Variants in FAM210A observed in about 807,000 individuals in gnomAD.
FAM210A encodes family with sequence similarity 210 member A.
Under a neutral mutation model 25.3 loss-of-function variants are expected in FAM210A, and 13 were observed. The ratio of observed to expected loss-of-function variants is 0.51; its 90% CI spans 0.33 to 0.82. FAM210A has a LOEUF of 0.82. Ranked by LOEUF, FAM210A falls within the 40% of genes least tolerant of loss-of-function variation. The probability of loss-of-function intolerance (pLI) is 0.02; values close to 1 mark genes in which losing one functional copy is unlikely to be tolerated. For synonymous variants in FAM210A, 125 were observed against 118.7 expected (o/e 1.05, Z -0.35); for missense variants, 319 against 323.2 (o/e 0.99, Z 0.10).
intron 1 of FAM210A, chr18:13,715,450 T>C (rs1014145688): frequency 2.0e-5 from 3 of 152,210 alleles, no homozygotes; most frequent in African/African-American, 4.8e-5. Flanking sequence ...CTCAGAATAG[T>C]GGAGACAGGA....
intron 1 of FAM210A, among the ~76,000 whole-genome samples, chr18:13,706,464 G>A (rs1448302233): frequency 6.6e-6 from 1 of 152,058 alleles, no homozygotes; most frequent in Non-Finnish European, 1.5e-5. Flanking sequence ...AAAACACGAA[G>A]CCCCAATGTA....
chr18:13,692,672 AGAAATAAAGATGTTCTTT>A (rs2043656996), intron 1 of FAM210A, among the ~76,000 whole-genome samples: 1 of 152,254 alleles, frequency 6.6e-6, no homozygotes, highest in African/African-American at 2.4e-5. Context: ...AAATGAAGGC[AGAAATAAAGATGTTCTTT>A]GAAACCAATG....
At chr18:13,694,897 C>A (rs1363915103) in intron 1 of FAM210A, among the ~76,000 whole-genome samples, 2 of 152,176 alleles carry the variant, frequency 1.3e-5, no homozygotes, top group Non-Finnish European at 1.5e-5. Context: ...AGCTTCTGCA[C>A]AGCAAAAGAA....
At chr18:13,668,045 A>G (rs1284077176) in intron 3 of FAM210A, among the ~76,000 whole-genome samples, 1 of 152,236 alleles carries the variant, frequency 6.6e-6, no homozygotes, top group East Asian at 1.9e-4. Flanking sequence ...CCTGGGAAAC[A>G]GCAAGATCCT....
chr18:13,724,788 T>G (rs986068232), intron 1 of FAM210A, among the ~76,000 whole-genome samples: 1 of 152,250 alleles, frequency 6.6e-6, no homozygotes, highest in South Asian at 2.1e-4. Context: ...TTGTTTAGTT[T>G]TTTTTGAGAC....
At chr18:13,712,751 T>C (rs1787889) in intron 1 of FAM210A, among the ~76,000 whole-genome samples, 125,084 of 151,970 alleles carry the variant, frequency 0.82, 51,985 homozygotes, top group East Asian at 0.95. Flanking sequence ...TTCCACTGTT[T>C]ATGAGCCACC....
intron 1 of FAM210A, among the ~76,000 whole-genome samples, chr18:13,723,944 C>G (rs1224162806): frequency 3.3e-5 from 5 of 152,220 alleles, no homozygotes; most frequent in African/African-American, 1.2e-4. Flanking sequence ...TGAACCACCT[C>G]TCTTCACAGA....
At position 13,681,587 on chromosome 18, in the gene FAM210A, A is replaced by T; in HGVS notation, c.473+18T>A. Reference sequence around the variant, plus strand: ...TCTGGTAAGACAGGGAAAGACATTCAACTAAGCAAAAACTTACTTCAAGGC... The same window carrying T: ...TCTGGTAAGACAGGGAAAGACATTCTACTAAGCAAAAACTTACTTCAAGGC... On this transcript the variant is annotated intron_variant, in intron 2 of 3. Coordinates refer to ENST00000651643, the MANE Select transcript of FAM210A (RefSeq NM_152352.4). The T allele has an allele frequency of 6.4e-7, 1 of 1,557,960 alleles. No homozygotes were observed. Among genetic ancestry groups the T allele is most frequent in the South Asian group, 1.2e-5 (1 of 81,606 alleles).
chr18:13,692,474 C>T, intron 1 of FAM210A, among the ~76,000 whole-genome samples: 1 of 151,872 alleles, frequency 6.6e-6, no homozygotes, highest in East Asian at 1.9e-4. Flanking sequence ...CCACATCACA[C>T]TTATTCCAAA....
chr18:13,685,459 G>A (rs374740500), intron 1 of FAM210A, among the ~76,000 whole-genome samples: 1 of 152,084 alleles, frequency 6.6e-6, no homozygotes, highest in Admixed American at 6.5e-5. Context: ...CTCTAAGGAC[G>A]GCCACCTTTG....
At chr18:13,686,691 G>C (rs965466875) in intron 1 of FAM210A, among the ~76,000 whole-genome samples, 1 of 151,978 alleles carries the variant, frequency 6.6e-6, no homozygotes, top group Admixed American at 6.6e-5. Flanking sequence ...TCCTCAAAAA[G>C]ACAAACTGCC....
At position 13,726,418 on chromosome 18, in the gene FAM210A, A is replaced by C. The variant is rs2043950311; in HGVS notation, c.-118T>G. On this transcript the variant is annotated 5_prime_UTR_variant, in exon 1 of 4. Coordinates refer to ENST00000651643, the MANE Select transcript of FAM210A (RefSeq NM_152352.4). ...ATGCCACGGCGGTGTCACTCAGCAG[A>C]GCAGCCCGACAAAGCGTGGGTCCGC... 1 of 152,580 alleles carries C rather than the reference A, an allele frequency of 6.6e-6. No individual in the cohort carries two copies. 9.5% of individuals were successfully genotyped at this position (152,580 alleles called of 1,614,324 possible). A position where few individuals can be genotyped will look rare whatever the true frequency, so the allele number is the denominator to read the frequency against.
At chr18:13,667,709 G>A (rs1334381352) in intron 3 of FAM210A, among the ~76,000 whole-genome samples, 1 of 151,014 alleles carries the variant, frequency 6.6e-6, no homozygotes, top group Non-Finnish European at 1.5e-5. Flanking sequence ...CAAGAGTGAA[G>A]CTACCTCTCA....
intron 1 of FAM210A, among the ~76,000 whole-genome samples, chr18:13,691,179 A>C (rs2043641225): frequency 6.6e-6 from 1 of 152,214 alleles, no homozygotes; most frequent in South Asian, 2.1e-4. Context: ...AAATGAATGA[A>C]ATGAAGCAAG....
chr18:13,709,253 A>G (rs1400082399), intron 1 of FAM210A, among the ~76,000 whole-genome samples: 1 of 152,148 alleles, frequency 6.6e-6, no homozygotes, highest in Non-Finnish European at 1.5e-5. Flanking sequence ...AAGTCCTTAA[A>G]CTGTAAGACC....
Position 13,693,096 on chromosome 18 carries a change from A to G in FAM210A, c.-28-10991T>C, listed in dbSNP as rs2043662134. On this transcript the variant is annotated intron_variant, in intron 1 of 3. Transcript: ENST00000651643. ...CACTGATCCCACAGAAATACAAACT[A>G]CCATCGGAGAATACTATAAACACCT... Among the ~76,000 whole-genome samples, 3 of 152,344 alleles carry G rather than the reference A, an allele frequency of 2.0e-5. No individual in the cohort carries two copies. In the South Asian group the frequency reaches 6.2e-4, roughly 32 times the overall value.
intron 2 of FAM210A, among the ~76,000 whole-genome samples, chr18:13,673,057 T>C (rs887968089): frequency 5.9e-5 from 9 of 151,936 alleles, no homozygotes; most frequent in African/African-American, 2.2e-4. Flanking sequence ...TTATTTCCAG[T>C]TACATTCCTG....
Position 13,715,053 on chromosome 18 carries a change from C to CAT in FAM210A, c.-29+11274_-29+11275dup, listed in dbSNP as rs527523335. The CAT allele has an allele frequency of 2.2e-4, 33 of 151,878 alleles. No individual in the cohort carries two copies. The East Asian group carries it at 2.3e-3, about 11-fold the overall frequency. The allele number at this position is 151,878 out of a possible 1,614,324, so 9.4% of individuals were successfully genotyped here. On this transcript the variant is annotated intron_variant, in intron 1 of 3. Coordinates refer to ENST00000651643, the MANE Select transcript of FAM210A (RefSeq NM_152352.4). ...TCCAATAACCTAGTTATATAATGTA[C>CAT]ATATATATATAATCTTATACATAAA...
chr18:13,717,556 G>A (rs540125938), intron 1 of FAM210A, among the ~76,000 whole-genome samples: 38 of 149,736 alleles, frequency 2.5e-4, no homozygotes, highest in African/African-American at 8.6e-4. Flanking sequence ...ATGACAGACT[G>A]TGAAAAGAAA....
Sources: allele counts gnomAD v4.1 joint callset (sites outside exome capture counted in the v4.1 genomes callset), GRCh38; gene constraint gnomAD v4.1.1; transcripts MANE v1.5; gene names NCBI Gene and HGNC (gene_info 2026-07-23, HGNC 2026-07-21).